The following APOL5 variants were observed in gnomAD, a reference collection of about 807,000 sequenced individuals.
APOL5 encodes the protein apolipoprotein L, 5.
A neutral mutation model predicts 35.5 loss-of-function variants in APOL5; 29 were observed. That is an observed-to-expected ratio of 0.82 (90% CI 0.61 to 1.11). The LOEUF (loss-of-function observed/expected upper bound fraction) is 1.11, where lower values mean the gene tolerates loss of function less well. APOL5 is among the 50% of genes most tolerant of loss of function. The pLI is 0.00. For synonymous variants in APOL5, 188 were observed against 200.2 expected (o/e 0.94, Z 0.51); for missense variants, 514 against 530.4 (o/e 0.97, Z 0.30).
intron 3 of APOL5, 89 bp downstream of exon 3, chr22:35,727,283 A>G: frequency 6.6e-7 from 1 of 1,511,944 alleles, no homozygotes; most frequent in Non-Finnish European, 8.8e-7. Context: ...AAACGGACAC[A>G]TCAGTGCATA....
chr22:35,711,857 T>C, the APOL5 span, among the ~76,000 whole-genome samples: 1 of 152,058 alleles, frequency 6.6e-6, no homozygotes, highest in African/African-American at 2.4e-5. Flanking sequence ...TGTATTTTAG[T>C]GGAGACGGGG....
At chr22:35,727,330 G>A (rs1208714923) in intron 3 of APOL5, 136 bp downstream of exon 3, 7 of 1,301,818 alleles carry the variant, frequency 5.4e-6, no homozygotes, top group Non-Finnish European at 5.2e-6. Flanking sequence ...AGGACTTGCC[G>A]CACACCCCTG....
intron 3 of APOL5, 138 bp from the exon 4 acceptor site, chr22:35,728,585 T>C: frequency 1.0e-6 from 1 of 967,122 alleles, no homozygotes; most frequent in African/African-American, 1.7e-5. Context: ...TGGGACCCAC[T>C]GCCCTGGGGC....
At position 35,728,349 on chromosome 22, in the gene APOL5, G is replaced by A. The variant is rs542092827; in HGVS notation, c.1127-374G>A. On this transcript the variant is annotated intron_variant, in intron 3 of 4. Coordinates refer to ENST00000249044, the MANE Select transcript of APOL5 (RefSeq NM_030642.1). ...CGCCATTCTCCTGCCTCAATCCCCC[G>A]AGTAGCTGGGACTACAGGCGCCCGC... 2.6e-5 allele frequency among the ~76,000 whole-genome samples: 4 copies of A among 152,108 alleles called. No homozygotes were observed. The East Asian group carries it at 5.8e-4, about 22-fold the overall frequency.
At chr22:35,720,450 T>TC (rs1926927665) in intron 1 of APOL5, 118 bp from the exon 2 acceptor site, 2 of 760,156 alleles carry the variant, frequency 2.6e-6, no homozygotes, top group African/African-American at 3.7e-5. Flanking sequence ...TTGTATTCTT[T>TC]TTTTTTTCTA....
chr22:35,708,761 G>A, the APOL5 span, among the ~76,000 whole-genome samples: 3 of 152,166 alleles, frequency 2.0e-5, no homozygotes, highest in South Asian at 6.2e-4. Flanking sequence ...GGGGCAGGCA[G>A]TGGTCAACAG....
rs765095852 is a variant in APOL5, at chr22:35,726,330, G to A, written c.262G>A (p.Asp88Asn). ...LFEELMRCDK[D>N]SMPDGNLSEE... ...TGAAGAGCTGATGCGATGTGACAAAGATTCCATGCCAGATGGAAATCTGTC... is the reference window on the plus strand; with the variant it reads ...TGAAGAGCTGATGCGATGTGACAAAAATTCCATGCCAGATGGAAATCTGTC... Residue 88 changes from aspartate to asparagine, a missense_variant, in exon 3 of 5, where the codon GAT becomes AAT. Coordinates refer to ENST00000249044, the MANE Select transcript of APOL5 (RefSeq NM_030642.1). 2 of 1,614,198 alleles carry A rather than the reference G, an allele frequency of 1.2e-6. No homozygotes were observed. Among genetic ancestry groups the A allele is most frequent in the Admixed American group, 3.3e-5 (2 of 60,026 alleles).
chr22:35,721,010 T>G (rs1381481614), intron 2 of APOL5, among the ~76,000 whole-genome samples: 1 of 152,158 alleles, frequency 6.6e-6, no homozygotes, highest in Admixed American at 6.5e-5. Context: ...CCTCCCAATG[T>G]GCTGGGATTA....
chr22:35,718,396 T>C (rs910245583), intron 1 of APOL5, among the ~76,000 whole-genome samples: 1 of 151,922 alleles, frequency 6.6e-6, no homozygotes, highest in African/African-American at 2.4e-5. Flanking sequence ...CATGGGCAGA[T>C]CACTTGAGGC....
At chr22:35,719,066 T>C (rs966609204) in intron 1 of APOL5, among the ~76,000 whole-genome samples, 1 of 145,872 alleles carries the variant, frequency 6.9e-6, no homozygotes, top group Non-Finnish European at 1.5e-5. Context: ...AAAATAATAA[T>C]AATAATAAAT....
upstream of APOL5, among the ~76,000 whole-genome samples, chr22:35,717,222 CAA>C (rs71322978): frequency 1.5e-5 from 1 of 66,864 alleles, no homozygotes. Context: ...TCCATCTCTA[CAA>C]AAAAAAAAAA....
chr22:35,726,354 T>C lies in APOL5; in HGVS notation c.286T>C (p.Ser96Pro), dbSNP rs751046476. ...AGATTCCATGCCAGATGGAAATCTG[T>C]CAGAGGAGGAAAAATTGTTTCTCTC... ...DKDSMPDGNLSEEEKLFLSYF... is the reference protein window; with the variant it reads ...DKDSMPDGNLPEEEKLFLSYF... The change falls in exon 3 of 5, where the codon TCA becomes CCA. Residue 96 changes from serine to proline, a missense_variant. Ser to Pro is a moderately conservative substitution (Grantham distance 74). This residue lies in a region of APOL5 where 254 missense variants were observed against 254.7 expected (regional missense o/e 1.00). Coordinates refer to ENST00000249044, the MANE Select transcript of APOL5 (RefSeq NM_030642.1). 6.2e-7 allele frequency: 1 copy of C among 1,614,154 alleles called. No homozygotes were observed. The highest frequency in any genetic ancestry group is 1.1e-5 in the South Asian group (1 of 91,080).
chr22:35,715,250 T>C (rs1282291411), upstream of APOL5, among the ~76,000 whole-genome samples: 1 of 152,180 alleles, frequency 6.6e-6, no homozygotes, highest in Non-Finnish European at 1.5e-5. Context: ...GCTCACTCCC[T>C]TCTTGCCTCC....
intron 1 of APOL5, among the ~76,000 whole-genome samples, chr22:35,719,133 A>G (rs2145997106): frequency 6.6e-6 from 1 of 152,338 alleles, no homozygotes; most frequent in East Asian, 1.9e-4. Context: ...CATGCGAAAA[A>G]TAATACGGAT....
chr22:35,720,765 G>A (rs1185632073), intron 2 of APOL5, 111 bp downstream of exon 2: 2 of 770,382 alleles, frequency 2.6e-6, no homozygotes, highest in Non-Finnish European at 2.1e-6. Flanking sequence ...TTTGTTTTGA[G>A]ACAGAGTCTC....
At chr22:35,717,235 A>AAAAAAAAAATAT, upstream of APOL5, among the ~76,000 whole-genome samples, 17 of 57,660 alleles carry the variant, frequency 2.9e-4, no homozygotes, top group African/African-American at 3.2e-4. Flanking sequence ...AAAAAAAAAA[A>AAAAAAAAAATAT]ATATATATAT....
chr22:35,712,641 G>GT, the APOL5 span, among the ~76,000 whole-genome samples: 3 of 152,174 alleles, frequency 2.0e-5, no homozygotes, highest in African/African-American at 7.2e-5. Context: ...AAAATTGGGG[G>GT]TTTTTTGTTA....
At chr22:35,710,866 T>A in the APOL5 span, among the ~76,000 whole-genome samples, 1 of 152,200 alleles carries the variant, frequency 6.6e-6, no homozygotes, top group East Asian at 1.9e-4. Context: ...TGCTGTAGCA[T>A]GGGTCAGAAC....
chr22:35,717,235 A>AAAAAAAAAAAAAAAT, upstream of APOL5, among the ~76,000 whole-genome samples: 1 of 57,662 alleles, frequency 1.7e-5, no homozygotes, highest in African/African-American at 8.0e-5. Context: ...AAAAAAAAAA[A>AAAAAAAAAAAAAAAT]ATATATATAT....
Sources: allele counts gnomAD v4.1 joint callset (sites outside exome capture counted in the v4.1 genomes callset), GRCh38; gene constraint gnomAD v4.1.1; regional missense constraint gnomAD v4.1.1; transcripts MANE v1.5; gene names NCBI Gene and HGNC (gene_info 2026-07-23, HGNC 2026-07-21).